PRKN: variants seen among roughly 807,000 people sequenced by gnomAD.
PRKN encodes E3 ubiquitin-protein ligase parkin.
PRKN carries 56 observed loss-of-function variants against 59.5 expected under a neutral mutation model. That is an observed-to-expected ratio of 0.94 (90% confidence interval 0.76 to 1.18). The LOEUF (loss-of-function observed/expected upper bound fraction) is 1.18, where lower values mean the gene tolerates loss of function less well. Among genes scored for constraint, PRKN ranks in the 50% most tolerant of loss-of-function variants. The pLI, the probability that PRKN is intolerant of heterozygous loss-of-function variation, is 0.00. For synonymous variants in PRKN, 250 were observed against 222.1 expected (o/e 1.13, Z -1.12); for missense variants, 657 against 596.4 (o/e 1.10, Z -1.06).
intron 9 of PRKN, among the ~76,000 whole-genome samples, chr6:161,481,074 A>G (rs1348818631): frequency 6.6e-6 from 1 of 152,240 alleles, no homozygotes; most frequent in African/African-American, 2.4e-5. Context: ...CACAAAGAAC[A>G]TTGGCATATT....
intron 1 of PRKN, among the ~76,000 whole-genome samples, chr6:162,687,049 T>C (rs1027112204): frequency 3.3e-5 from 5 of 152,118 alleles, no homozygotes; most frequent in African/African-American, 1.2e-4. Flanking sequence ...TTTAGGACTG[T>C]TTTTTCTAAT....
Position 161,508,758 on chromosome 6 carries a change from T to C in PRKN, c.1083+40096A>G, listed in dbSNP as rs557917812. On this transcript the variant is annotated intron_variant, in intron 9 of 11. Transcript: ENST00000366898. ...TTTCCAATTTATCTGTAGCCTACTT[T>C]TTTTCCCCCTCAATTAAACACCATG... is the stretch of plus-strand genomic sequence containing the variant. Among the ~76,000 whole-genome samples the C allele has an allele frequency of 3.9e-5, 6 of 152,274 alleles. No individual in the cohort carries two copies. In the South Asian group the frequency reaches 1.2e-3, roughly 32 times the overall value.
intron 4 of PRKN, among the ~76,000 whole-genome samples, chr6:162,175,760 C>T (rs1783502703): frequency 6.6e-6 from 1 of 152,110 alleles, no homozygotes; most frequent in Non-Finnish European, 1.5e-5. Flanking sequence ...GACTTGGACC[C>T]CTGCTTCTGT....
At chr6:162,502,263 C>T (rs543659711) in intron 1 of PRKN, among the ~76,000 whole-genome samples, 4 of 152,268 alleles carry the variant, frequency 2.6e-5, no homozygotes, top group South Asian at 2.1e-4. Flanking sequence ...TGGGCTCAAG[C>T]GACCCTCCTG....
intron 2 of PRKN, among the ~76,000 whole-genome samples, chr6:162,396,285 T>G (rs886746736): frequency 6.6e-6 from 1 of 152,218 alleles, no homozygotes; most frequent in Non-Finnish European, 1.5e-5. Context: ...TTCGGAGTAG[T>G]TGAGGATGTG....
chr6:161,723,132 G>GTGGC (rs1787294984), intron 7 of PRKN, among the ~76,000 whole-genome samples: 5 of 152,060 alleles, frequency 3.3e-5, no homozygotes, highest in Admixed American at 6.5e-5. Flanking sequence ...GCTGAGTGTG[G>GTGGC]AGGTGAGTGC....
chr6:162,327,150 C>T (rs1783327622), intron 2 of PRKN, among the ~76,000 whole-genome samples: 1 of 152,094 alleles, frequency 6.6e-6, no homozygotes, highest in African/African-American at 2.4e-5. Flanking sequence ...CGTTTTCTTC[C>T]TTTTCTTCTC....
intron 9 of PRKN, among the ~76,000 whole-genome samples, chr6:161,515,509 G>C (rs1778555575): frequency 1.3e-5 from 2 of 152,276 alleles, no homozygotes; most frequent in South Asian, 4.1e-4. Context: ...TGAGAAGCTG[G>C]ATCTCAACAT....
intron 6 of PRKN, among the ~76,000 whole-genome samples, chr6:161,971,949 A>T (rs1264869363): frequency 6.6e-6 from 1 of 152,190 alleles, no homozygotes; most frequent in Non-Finnish European, 1.5e-5. Flanking sequence ...CTTTGACTTT[A>T]TTCATTAATT....
intron 6 of PRKN, among the ~76,000 whole-genome samples, chr6:161,864,053 A>G (rs968086150): frequency 1.3e-5 from 2 of 152,198 alleles, no homozygotes; most frequent in Admixed American, 1.3e-4. Context: ...TGACCAGGGC[A>G]GTGGTTGCTG....
At chr6:162,467,603 C>G (rs973109321) in intron 1 of PRKN, among the ~76,000 whole-genome samples, 8 of 152,148 alleles carry the variant, frequency 5.3e-5, no homozygotes, top group African/African-American at 1.4e-4. Flanking sequence ...CATTATCTGT[C>G]TTTTGAATCA....
chr6:162,216,519 A>G (rs1308905510), intron 3 of PRKN, among the ~76,000 whole-genome samples: 3 of 135,274 alleles, frequency 2.2e-5, no homozygotes, highest in Non-Finnish European at 4.6e-5. Flanking sequence ...CCTGGGCGAC[A>G]GAGCGAGACT....
intron 7 of PRKN, among the ~76,000 whole-genome samples, chr6:161,644,812 G>A (rs1329238184): frequency 6.6e-6 from 1 of 152,212 alleles, no homozygotes; most frequent in Non-Finnish European, 1.5e-5. Flanking sequence ...ATGCACCCAG[G>A]CAGGCCAACA....
chr6:161,721,004 A>T (rs1323493916), intron 7 of PRKN, among the ~76,000 whole-genome samples: 2 of 152,328 alleles, frequency 1.3e-5, no homozygotes, highest in East Asian at 3.9e-4. Context: ...CTAGAGGAAT[A>T]TCATGGAAAA....
intron 6 of PRKN, among the ~76,000 whole-genome samples, chr6:161,926,630 G>A (rs898639317): frequency 2.0e-5 from 3 of 152,048 alleles, no homozygotes; most frequent in Admixed American, 6.6e-5. Context: ...CTTCATGTTC[G>A]TCTTATCCCT....
intron 7 of PRKN, among the ~76,000 whole-genome samples, chr6:161,690,935 A>G (rs928073298): frequency 6.6e-6 from 1 of 152,002 alleles, no homozygotes; most frequent in Non-Finnish European, 1.5e-5. Flanking sequence ...TAATCTATCT[A>G]TCTGTGTATC....
chr6:162,657,130 T>G (rs1778673462), intron 1 of PRKN, among the ~76,000 whole-genome samples: 2 of 152,190 alleles, frequency 1.3e-5, no homozygotes, highest in African/African-American at 4.8e-5. Flanking sequence ...TGGTAGATGC[T>G]AAACAAATCC....
At chr6:162,177,671 C>T (rs1413195840) in intron 4 of PRKN, among the ~76,000 whole-genome samples, 1 of 151,930 alleles carries the variant, frequency 6.6e-6, no homozygotes, top group African/African-American at 2.4e-5. Context: ...AAGCAAAGCA[C>T]GTTCTCTTTG....
At chr6:162,396,052 C>T (rs887755120) in intron 2 of PRKN, among the ~76,000 whole-genome samples, 4 of 152,076 alleles carry the variant, frequency 2.6e-5, no homozygotes, top group African/African-American at 4.8e-5. Flanking sequence ...GTAGACAAAG[C>T]GAATCGAATC....
Sources: allele counts gnomAD v4.1 joint callset (sites outside exome capture counted in the v4.1 genomes callset), GRCh38; gene constraint gnomAD v4.1.1; transcripts MANE v1.5; gene names NCBI Gene and HGNC (gene_info 2026-07-23, HGNC 2026-07-21).